Variants in WDR37 observed in about 807,000 individuals in gnomAD.
The protein encoded by WDR37 is WD repeat-containing protein 37.
Under a neutral mutation model 62.9 loss-of-function variants are expected in WDR37, and 19 were observed. The observed-to-expected ratio is 0.30, with a 90% CI of 0.21 to 0.44. The LOEUF (loss-of-function observed/expected upper bound fraction) is 0.44, where lower values mean the gene tolerates loss of function less well. Among genes scored for constraint, WDR37 ranks in the 20% least tolerant of loss-of-function variants. The pLI is 1.00. For missense variants in WDR37, 474 were observed against 657.6 expected (o/e 0.72, Z 3.05); for synonymous variants, 250 against 260.9 (o/e 0.96, Z 0.40).
chr10:1,104,726 C>T (rs537432571), intron 10 of WDR37, among the ~76,000 whole-genome samples: 3 of 152,090 alleles, frequency 2.0e-5, no homozygotes, highest in Admixed American at 6.5e-5. Flanking sequence ...GTTGCTTCTG[C>T]GAATCTATCT....
intron 11 of WDR37, among the ~76,000 whole-genome samples, chr10:1,118,418 C>A (rs1287994507): frequency 1.3e-5 from 2 of 149,804 alleles, no homozygotes; most frequent in Non-Finnish European, 3.0e-5. Context: ...GAAGTCCCTG[C>A]ACACATCTGA....
In WDR37 at chr10:1,125,009, C is replaced by G; in HGVS notation, c.1338C>G (p.Pro446=). ...CAGGAGTGCGCCTGGCGCGGCTTCCCCGGAGCAGCCGACAGGTAACAGCAC... is the reference window on the plus strand; with the variant it reads ...CAGGAGTGCGCCTGGCGCGGCTTCCGCGGAGCAGCCGACAGGTAACAGCAC... ...DMSGVRLARL[P]RSSRQGHRRM... Residue 446 remains proline (P), a synonymous_variant, in exon 13 of 14, where the codon CCC becomes CCG. Coordinates refer to ENST00000263150, the MANE Select transcript of WDR37 (RefSeq NM_014023.4). The G allele has an allele frequency of 6.2e-7, 1 of 1,614,188 alleles. No homozygotes were observed. Among genetic ancestry groups the G allele is most frequent in the Non-Finnish European group, 8.5e-7 (1 of 1,180,032 alleles).
rs1293319721 is a variant in WDR37 at position 1,056,493 on chromosome 10, G to A, written c.-516G>A. Reference sequence around the variant, plus strand: ...CCGGGTCTCAGGCCTCAGGCGGACCGCGCCCCGGGCTCGCAGCCCTCCCGC... The same window carrying A: ...CCGGGTCTCAGGCCTCAGGCGGACCACGCCCCGGGCTCGCAGCCCTCCCGC... On this transcript the variant is annotated 5_prime_UTR_variant, in exon 1 of 14. Transcript: ENST00000263150. 1 of 152,098 alleles carries A rather than the reference G, an allele frequency of 6.6e-6. No individual in the cohort carries two copies. Among genetic ancestry groups the A allele is most frequent in the African/African-American group, 2.4e-5 (1 of 41,434 alleles). The allele number at this position is 152,098 out of a possible 1,614,324, so 9.4% of individuals were successfully genotyped here. A position where few individuals can be genotyped will look rare whatever the true frequency, so the allele number is the denominator to read the frequency against.
intron 11 of WDR37, among the ~76,000 whole-genome samples, chr10:1,116,477 A>G (rs924978276): frequency 2.0e-5 from 3 of 152,204 alleles, no homozygotes; most frequent in Non-Finnish European, 4.4e-5. Context: ...CAGTGTTTGC[A>G]TTGTTTCACT....
chr10:1,090,257 C>G (rs1834342476), intron 7 of WDR37, among the ~76,000 whole-genome samples: 1 of 151,428 alleles, frequency 6.6e-6, no homozygotes. Context: ...ATCCCTGGTT[C>G]AAAGGATTCT....
At chr10:1,085,165 G>C (rs1403013228) in intron 6 of WDR37, among the ~76,000 whole-genome samples, 2 of 152,002 alleles carry the variant, frequency 1.3e-5, no homozygotes, top group Admixed American at 1.3e-4. Context: ...AGTAGAGGCG[G>C]GGTTTCACCG....
Position 1,092,054 on chromosome 10 carries a change from C to A in WDR37, c.605-1398C>A, listed in dbSNP as rs550193117. 2.7e-3 allele frequency among the ~76,000 whole-genome samples: 415 copies of A among 151,646 alleles called. 2 individuals carry two copies. Among genetic ancestry groups the A allele is most frequent in the African/African-American group, 9.2e-3 (381 of 41,292 alleles). Reference sequence around the variant, plus strand: ...AATTAGCCGGGCGTGTTGGCGGGCGCCTGTGGTCCCAGCTACTTGGGAGGC... The same window carrying A: ...AATTAGCCGGGCGTGTTGGCGGGCGACTGTGGTCCCAGCTACTTGGGAGGC... On this transcript the variant is annotated intron_variant, in intron 7 of 13. Transcript: ENST00000263150.
rs1349671448 is a variant in WDR37 at position 1,121,592 on chromosome 10, C to A, written c.1104-2626C>A. Among the ~76,000 whole-genome samples, 2 of 152,150 alleles carry A rather than the reference C, an allele frequency of 1.3e-5. No homozygotes were observed. Among genetic ancestry groups the A allele is most frequent in the Non-Finnish European group, 2.9e-5 (2 of 68,042 alleles). On this transcript the variant is annotated intron_variant, in intron 11 of 13. Coordinates refer to ENST00000263150, the MANE Select transcript of WDR37 (RefSeq NM_014023.4). This position sits in a 1 kb window ranked among gnomAD's most constrained non-coding sequence, Gnocchi z 4.5. Reference sequence around the variant, plus strand: ...GGCTGGGCGTTTGCTTGTGTCCTGCCCCGTGTGATGCCGTGGTTTCCAGTT... The same window carrying A: ...GGCTGGGCGTTTGCTTGTGTCCTGCACCGTGTGATGCCGTGGTTTCCAGTT...
At chr10:1,111,440 C>A (rs1332669996) in intron 11 of WDR37, among the ~76,000 whole-genome samples, 1 of 151,978 alleles carries the variant, frequency 6.6e-6, no homozygotes, top group Non-Finnish European at 1.5e-5. Flanking sequence ...GCATTCTGTG[C>A]CTTTTTGAAA....
At chr10:1,090,393 A>G (rs1323036481) in intron 7 of WDR37, among the ~76,000 whole-genome samples, 1 of 152,192 alleles carries the variant, frequency 6.6e-6, no homozygotes, top group Non-Finnish European at 1.5e-5. Flanking sequence ...TCCTGACTTC[A>G]GGTGATCCAG....
At chr10:1,080,333 C>T (rs1433902071) in intron 4 of WDR37, 79 bp from the exon 5 acceptor site, 1 of 1,575,126 alleles carries the variant, frequency 6.3e-7, no homozygotes, top group African/African-American at 1.4e-5. Context: ...TCTTCCTGTG[C>T]AAGACACAAG....
At chr10:1,069,421 G>C (rs1326940778) in intron 1 of WDR37, among the ~76,000 whole-genome samples, 5 of 107,054 alleles carry the variant, frequency 4.7e-5, no homozygotes, top group Admixed American at 2.1e-4. Flanking sequence ...GCAGGTGAAT[G>C]GTTAAACAAA....
intron 7 of WDR37, among the ~76,000 whole-genome samples, chr10:1,092,845 A>G (rs1164707508): frequency 1.4e-5 from 2 of 141,288 alleles, no homozygotes; most frequent in African/African-American, 5.4e-5. Flanking sequence ...ATTCCAGCCT[A>G]GGCAACCAGA....
At chr10:1,064,351 AAG>A (rs1833470171) in intron 1 of WDR37, among the ~76,000 whole-genome samples, 1 of 152,164 alleles carries the variant, frequency 6.6e-6, no homozygotes, top group South Asian at 2.1e-4. Context: ...GAGGTCTAGA[AAG>A]AGAGAAGGAC....
At chr10:1,104,941 C>T (rs1834956301) in intron 10 of WDR37, among the ~76,000 whole-genome samples, 185 bp from the exon 11 acceptor site, 1 of 152,220 alleles carries the variant, frequency 6.6e-6, no homozygotes, top group African/African-American at 2.4e-5. Flanking sequence ...ACATGGACGG[C>T]TGAAAGGACT....
chr10:1,068,444 G>C (rs959506830), intron 1 of WDR37, among the ~76,000 whole-genome samples: 1 of 151,640 alleles, frequency 6.6e-6, no homozygotes, highest in African/African-American at 2.4e-5. Context: ...GCGACAGCGA[G>C]ACTCTGTCTC....
chr10:1,127,918 C>A (rs1251332727), intron 13 of WDR37, among the ~76,000 whole-genome samples: 2 of 152,256 alleles, frequency 1.3e-5, no homozygotes, highest in Non-Finnish European at 2.9e-5. Flanking sequence ...GAAAGCCTGG[C>A]TGGCTTTCTT....
At chr10:1,112,203 A>G (rs1005116919) in intron 11 of WDR37, among the ~76,000 whole-genome samples, 1 of 152,088 alleles carries the variant, frequency 6.6e-6, no homozygotes, top group Admixed American at 6.5e-5. Context: ...TCTCTCTCAC[A>G]TTTTGGTCAT....
chr10:1,125,638 C>T (rs1262036147), intron 13 of WDR37, among the ~76,000 whole-genome samples: 1 of 152,110 alleles, frequency 6.6e-6, no homozygotes, highest in Non-Finnish European at 1.5e-5. Context: ...TGTGGGGAAG[C>T]CGTCTTAGAT....
Sources: gnomAD v4.1 joint callset for allele counts (sites outside exome capture counted in the v4.1 genomes callset) on GRCh38, gnomAD v4.1.1 for gene constraint, Gnocchi (gnomAD v3.1) non-coding constraint, MANE v1.5 for transcripts, NCBI Gene and HGNC (gene_info 2026-07-23, HGNC 2026-07-21) for gene names.